Variants in FER1L6 observed in about 807,000 individuals in gnomAD.
FER1L6 encodes fer-1-like protein 6.
Under a neutral mutation model 219.2 loss-of-function variants are expected in FER1L6, and 177 were observed. The observed-to-expected ratio is 0.81, with a 90% CI of 0.71 to 0.91. The LOEUF (loss-of-function observed/expected upper bound fraction) is 0.91, where lower values mean the gene tolerates loss of function less well. Among genes scored for constraint, FER1L6 ranks in the 40% least tolerant of loss-of-function variants. The probability of loss-of-function intolerance (pLI) is 0.00; values close to 1 mark genes in which losing one functional copy is unlikely to be tolerated. For missense variants in FER1L6, 2,153 were observed against 2,259.9 expected (o/e 0.95, Z 0.96); for synonymous variants, 768 against 824.3 (o/e 0.93, Z 1.17).
At chr8:123,957,291 C>T (rs770940221) in intron 2 of FER1L6, among the ~76,000 whole-genome samples, 2 of 152,170 alleles carry the variant, frequency 1.3e-5, no homozygotes, top group Non-Finnish European at 2.9e-5. Context: ...AAATGAGGGA[C>T]ATTGCATTTT....
In FER1L6 at chr8:123,925,158, T is replaced by C. The variant is rs143887409; in HGVS notation, c.-7-30834T>C. 4.2e-3 allele frequency among the ~76,000 whole-genome samples: 642 copies of C among 152,352 alleles called. 6 individuals carry two copies. Among genetic ancestry groups the C allele is most frequent in the African/African-American group, 0.014 (598 of 41,578 alleles). On this transcript the variant is annotated intron_variant, in intron 1 of 40. Transcript: ENST00000522917. ...TGGACACTGAAAACAGTGGCTTCAA[T>C]AGATAGAAATGGACTTCTCTCTCAT...
At chr8:123,908,224 G>A (rs941498929) in intron 1 of FER1L6, among the ~76,000 whole-genome samples, 25 of 152,222 alleles carry the variant, frequency 1.6e-4, no homozygotes, top group African/African-American at 5.5e-4. Flanking sequence ...TAAGAAACAC[G>A]TATTAGTTGA....
At chr8:123,890,877 A>T (rs1239023385) in intron 1 of FER1L6, among the ~76,000 whole-genome samples, 1 of 152,030 alleles carries the variant, frequency 6.6e-6, no homozygotes. Context: ...AAATGTTTAA[A>T]TGGTGTTTAT....
intron 14 of FER1L6, among the ~76,000 whole-genome samples, chr8:124,012,854 C>G (rs979442585): frequency 6.6e-6 from 1 of 152,238 alleles, no homozygotes; most frequent in Non-Finnish European, 1.5e-5. Context: ...GTGCCATTTT[C>G]CTCCAGGCCA....
intron 1 of FER1L6, among the ~76,000 whole-genome samples, chr8:123,919,241 C>A (rs1311222338): frequency 2.0e-5 from 3 of 152,146 alleles, no homozygotes; most frequent in African/African-American, 7.2e-5. Context: ...GAGAGTTGGT[C>A]CTTTGAGACT....
chr8:124,077,703 C>A (rs1821351509), intron 32 of FER1L6, among the ~76,000 whole-genome samples: 1 of 152,168 alleles, frequency 6.6e-6, no homozygotes, highest in Admixed American at 6.5e-5. Flanking sequence ...TGCTATATGG[C>A]CATGGCAAAC....
chr8:123,904,616 G>A (rs1048942043), intron 1 of FER1L6, among the ~76,000 whole-genome samples: 1 of 152,152 alleles, frequency 6.6e-6, no homozygotes, highest in Non-Finnish European at 1.5e-5. Flanking sequence ...ATACTTAGAA[G>A]GTGGTGAGCT....
chr8:123,966,801 T>C (rs1231887653), intron 5 of FER1L6, among the ~76,000 whole-genome samples: 1 of 152,110 alleles, frequency 6.6e-6, no homozygotes, highest in Non-Finnish European at 1.5e-5. Flanking sequence ...AAAAATATTG[T>C]TGGGGTGCAG....
chr8:123,931,889 A>T (rs1428921021), intron 1 of FER1L6, among the ~76,000 whole-genome samples: 1 of 152,348 alleles, frequency 6.6e-6, no homozygotes. Flanking sequence ...ATGGAACTAA[A>T]TATTGAAGTA....
At chr8:123,906,338 C>T (rs1008130392) in intron 1 of FER1L6, among the ~76,000 whole-genome samples, 1 of 152,088 alleles carries the variant, frequency 6.6e-6, no homozygotes, top group Non-Finnish European at 1.5e-5. Flanking sequence ...GTGGGCTCTG[C>T]CTCCCACCCA....
At chr8:123,957,536 A>T (rs1422183825) in intron 2 of FER1L6, among the ~76,000 whole-genome samples, 1 of 152,188 alleles carries the variant, frequency 6.6e-6, no homozygotes, top group East Asian at 1.9e-4. Context: ...TACATCATTC[A>T]TGACTCTGAA....
chr8:123,963,228 C>T, intron 2 of FER1L6, 50 bp from the exon 3 acceptor site: 1 of 1,607,522 alleles, frequency 6.2e-7, no homozygotes, highest in Non-Finnish European at 8.5e-7. Context: ...GGCTCGATTG[C>T]CACCACATGT....
Position 123,852,979 on chromosome 8 carries a change from A to G in FER1L6, c.-8+794A>G, listed in dbSNP as rs543238621. On this transcript the variant is annotated intron_variant, in intron 1 of 40. Coordinates refer to ENST00000522917, the MANE Select transcript of FER1L6 (RefSeq NM_001039112.2). The surrounding 1 kb of genome is among the most constrained non-coding windows in gnomAD (Gnocchi z 4.9). ...TATGTATTAGATATAGATGTATTCT[A>G]TGTGTCTATTTAGCTACCTATCAGA... is the stretch of plus-strand genomic sequence containing the variant. Among the ~76,000 whole-genome samples the G allele has an allele frequency of 3.9e-5, 6 of 152,222 alleles. No individual in the cohort carries two copies. The East Asian group carries it at 9.6e-4, about 24-fold the overall frequency.
At chr8:124,082,505 T>C (rs1244984035) in intron 33 of FER1L6, 47 bp downstream of exon 33, 1 of 1,568,602 alleles carries the variant, frequency 6.4e-7, no homozygotes, top group Admixed American at 1.7e-5. Flanking sequence ...GAAGCTGTTG[T>C]AGCCTTTAGG....
At chr8:124,097,922 C>T in intron 37 of FER1L6, 39 bp downstream of exon 37, 2 of 1,070,324 alleles carry the variant, frequency 1.9e-6, no homozygotes, top group Non-Finnish European at 2.9e-6. Flanking sequence ...CATTTCCTTC[C>T]CTCCTCACCT....
intron 12 of FER1L6, among the ~76,000 whole-genome samples, chr8:123,988,927 T>C (rs950111193): frequency 7.2e-5 from 11 of 152,014 alleles, no homozygotes; most frequent in Non-Finnish European, 1.2e-4. Flanking sequence ...AGGCTTTCAG[T>C]TTTTTTTCCA....
In FER1L6 at chr8:124,066,565, A is replaced by G. The variant is rs1820838951; in HGVS notation, c.3678+15A>G. ...AAGCCCAGAAGGTAGAGTCTCCCCTACCTGTGGCAGTTAAGAGATTCAATA... is the reference window on the plus strand; with the variant it reads ...AAGCCCAGAAGGTAGAGTCTCCCCTGCCTGTGGCAGTTAAGAGATTCAATA... On this transcript the variant is annotated intron_variant, in intron 27 of 40. Transcript: ENST00000522917. The G allele has an allele frequency of 1.9e-6, 3 of 1,610,754 alleles. No individual in the cohort carries two copies. The highest frequency in any genetic ancestry group is 1.3e-5 in the African/African-American group (1 of 74,824).
intron 1 of FER1L6, among the ~76,000 whole-genome samples, chr8:123,898,796 C>CGT (rs1812804062): frequency 2.6e-5 from 2 of 77,762 alleles, no homozygotes; most frequent in Non-Finnish European, 6.4e-5. Context: ...TACATATATA[C>CGT]ATATATACAC....
chr8:123,942,227 C>T (rs572204811), intron 1 of FER1L6, among the ~76,000 whole-genome samples: 65 of 152,308 alleles, frequency 4.3e-4, no homozygotes, highest in African/African-American at 1.5e-3. Context: ...CATGCTGCCT[C>T]CTTCCTCAGT....
Sources: allele counts gnomAD v4.1 joint callset (sites outside exome capture counted in the v4.1 genomes callset), GRCh38; gene constraint gnomAD v4.1.1; non-coding constraint Gnocchi (gnomAD v3.1); transcripts MANE v1.5; gene names NCBI Gene and HGNC (gene_info 2026-07-23, HGNC 2026-07-21).